The following LPAR1 variants were observed in gnomAD, a reference collection of about 807,000 sequenced individuals.
LPAR1 encodes lysophosphatidic acid receptor 1, also known as LPA receptor 1.
A neutral mutation model predicts 23.8 loss-of-function variants in LPAR1; 5 were observed. That is an observed-to-expected ratio of 0.21 (90% confidence interval 0.11 to 0.44). LPAR1 has a LOEUF of 0.44. Among genes scored for constraint, LPAR1 ranks in the 20% least tolerant of loss-of-function variants. The probability of loss-of-function intolerance (pLI) is 0.99; values close to 1 mark genes in which losing one functional copy is unlikely to be tolerated. For missense variants in LPAR1, 311 were observed against 482.8 expected, an observed-to-expected ratio of 0.64 and a Z score of 3.33; for synonymous variants, 160 against 164.7, an observed-to-expected ratio of 0.97 and a Z score of 0.22.
chr9:110,929,742 G>T (rs2094278470), intron 5 of LPAR1, among the ~76,000 whole-genome samples: 1 of 139,858 alleles, frequency 7.2e-6, no homozygotes, highest in Non-Finnish European at 1.6e-5. Context: ...GTGTGTGTGT[G>T]TTATAGTTGC....
intron 5 of LPAR1, among the ~76,000 whole-genome samples, chr9:110,927,354 C>G (rs190089487): frequency 6.6e-6 from 1 of 152,094 alleles, no homozygotes; most frequent in Admixed American, 6.5e-5. Flanking sequence ...CCAATATGAT[C>G]CTCACCAAAA....
intron 5 of LPAR1, among the ~76,000 whole-genome samples, chr9:110,892,818 AAGGAAGGAAGGC>A (rs1315719476): frequency 0.014 from 1,369 of 96,398 alleles, 3 homozygotes; most frequent in Middle Eastern, 0.028. Flanking sequence ...GGAAGGAAGG[AAGGAAGGAAGGC>A]AGGCAGGCAG....
At chr9:110,971,927 CA>C (rs2138234393) in intron 4 of LPAR1, 145 bp downstream of exon 4, 1 of 725,184 alleles carries the variant, frequency 1.4e-6, no homozygotes, top group East Asian at 2.6e-5. Context: ...ACCTCACTCA[CA>C]AAAGCACCAT....
chr9:110,913,355 C>T (rs2092691877), intron 5 of LPAR1, among the ~76,000 whole-genome samples: 1 of 152,108 alleles, frequency 6.6e-6, no homozygotes, highest in South Asian at 2.1e-4. Flanking sequence ...GTAGTATTTA[C>T]CACTACTACA....
intron 5 of LPAR1, among the ~76,000 whole-genome samples, chr9:110,880,397 T>C (rs1413379301): frequency 6.6e-6 from 1 of 152,214 alleles, no homozygotes; most frequent in African/African-American, 2.4e-5. Context: ...ATGCTTACCA[T>C]CTGGTCTCAC....
chr9:111,021,623 A>T (rs1197189342), intron 2 of LPAR1, among the ~76,000 whole-genome samples: 1 of 152,204 alleles, frequency 6.6e-6, no homozygotes, highest in African/African-American at 2.4e-5. Flanking sequence ...GATAAAAAAA[A>T]TTAATTCCAA....
chr9:111,028,023 T>C (rs183114616), intron 2 of LPAR1, among the ~76,000 whole-genome samples: 8 of 151,968 alleles, frequency 5.3e-5, no homozygotes, highest in Admixed American at 2.6e-4. Context: ...AAATGAAAGA[T>C]TTTAATGGCC....
chr9:110,908,282 A>G (rs7022967), intron 5 of LPAR1, among the ~76,000 whole-genome samples: 33,590 of 149,306 alleles, frequency 0.22, 4,972 homozygotes, highest in African/African-American at 0.42. Context: ...AAATGCTTTT[A>G]TAATTCATTA....
chr9:111,017,445 T>C (rs193235181), intron 2 of LPAR1, among the ~76,000 whole-genome samples: 3 of 152,262 alleles, frequency 2.0e-5, no homozygotes, highest in African/African-American at 4.8e-5. Context: ...ATGGGTGAAA[T>C]TGCAAATCTA....
At chr9:110,926,242 A>G (rs1348865915) in intron 5 of LPAR1, among the ~76,000 whole-genome samples, 1 of 152,202 alleles carries the variant, frequency 6.6e-6, no homozygotes, top group Non-Finnish European at 1.5e-5. Flanking sequence ...TTTGCACACA[A>G]GGACATGTGA....
chr9:110,986,820 C>T (rs2096792482), intron 2 of LPAR1, among the ~76,000 whole-genome samples: 1 of 152,036 alleles, frequency 6.6e-6, no homozygotes, highest in African/African-American at 2.4e-5. Flanking sequence ...TTTAAGGTTT[C>T]AAGTAGCTTA....
intron 5 of LPAR1, among the ~76,000 whole-genome samples, chr9:110,931,478 CA>C (rs911927070): frequency 6.6e-6 from 1 of 151,836 alleles, no homozygotes; most frequent in South Asian, 2.1e-4. Flanking sequence ...AACAAGTTTG[CA>C]AAAAAAATTC....
intron 2 of LPAR1, among the ~76,000 whole-genome samples, chr9:110,981,822 C>T (rs1214747192): frequency 6.6e-6 from 1 of 152,066 alleles, no homozygotes; most frequent in African/African-American, 2.4e-5. Context: ...AGGATATGAA[C>T]AGACACTTCT....
At chr9:110,901,581 C>T (rs1282574714) in intron 5 of LPAR1, among the ~76,000 whole-genome samples, 2 of 152,114 alleles carry the variant, frequency 1.3e-5, no homozygotes, top group African/African-American at 4.8e-5. Flanking sequence ...CAACAGATCT[C>T]GTGAGACTTA....
intron 5 of LPAR1, among the ~76,000 whole-genome samples, chr9:110,919,857 C>G (rs2093491534): frequency 6.6e-6 from 1 of 152,194 alleles, no homozygotes; most frequent in Non-Finnish European, 1.5e-5. Context: ...TAATCAGCCA[C>G]CAGAGAGTCC....
chr9:110,957,226 G>A (rs1278072546), intron 4 of LPAR1, among the ~76,000 whole-genome samples: 1 of 150,984 alleles, frequency 6.6e-6, no homozygotes, highest in Non-Finnish European at 1.5e-5. Flanking sequence ...GCATAGTAGT[G>A]CGCACCTATA....
intron 5 of LPAR1, among the ~76,000 whole-genome samples, chr9:110,909,301 T>C (rs527494913): frequency 3.1e-4 from 47 of 152,264 alleles, no homozygotes; most frequent in Middle Eastern, 3.4e-3. Flanking sequence ...ACCCCGGGTG[T>C]TTCAGTAACA....
intron 5 of LPAR1, among the ~76,000 whole-genome samples, chr9:110,917,430 C>T (rs961005380): frequency 6.6e-6 from 1 of 152,140 alleles, no homozygotes; most frequent in African/African-American, 2.4e-5. Flanking sequence ...AAACACTATG[C>T]TAAACCTGAT....
At chr9:110,899,437 G>A (rs1223804308) in intron 5 of LPAR1, among the ~76,000 whole-genome samples, 2 of 152,196 alleles carry the variant, frequency 1.3e-5, no homozygotes, top group African/African-American at 4.8e-5. Flanking sequence ...GGAGAATATA[G>A]AGATGAAATA....
Sources: allele counts gnomAD v4.1 joint callset (sites outside exome capture counted in the v4.1 genomes callset), GRCh38; gene constraint gnomAD v4.1.1; transcripts MANE v1.5; gene names NCBI Gene and HGNC (gene_info 2026-07-23, HGNC 2026-07-21).